Variants in ATAD3A observed in about 807,000 individuals in gnomAD.
The protein encoded by ATAD3A is ATPase family AAA domain-containing protein 3A.
Under a neutral mutation model 73.8 loss-of-function variants are expected in ATAD3A, and 46 were observed. The ratio of observed to expected loss-of-function variants is 0.62; its 90% CI spans 0.49 to 0.80. ATAD3A has a LOEUF of 0.80. Among genes scored for constraint, ATAD3A ranks in the 30% least tolerant of loss-of-function variants. ATAD3A has a pLI of 0.00. For synonymous variants in ATAD3A, 319 were observed against 350.0 expected, an observed-to-expected ratio of 0.91 and a Z score of 0.99; for missense variants, 705 against 838.0, an observed-to-expected ratio of 0.84 and a Z score of 1.96.
At chr1:1,518,621 ACCC>A (rs148694040) in intron 4 of ATAD3A, among the ~76,000 whole-genome samples, 1 of 38,098 alleles carries the variant, frequency 2.6e-5, no homozygotes, top group Non-Finnish European at 4.0e-5. Flanking sequence ...GGGCGTACAC[ACCC>A]CCCCCCACAG....
At chr1:1,527,633 G>A (rs566497801) in intron 13 of ATAD3A, 62 bp from the exon 14 acceptor site, 280 of 1,543,544 alleles carry the variant, frequency 1.8e-4, no homozygotes, top group Non-Finnish European at 2.3e-4. Flanking sequence ...AGGAGGCCCC[G>A]TTCCCCTTGG....
At chr1:1,513,811 CGA>C (rs1311310600) in intron 1 of ATAD3A, among the ~76,000 whole-genome samples, 1 of 152,106 alleles carries the variant, frequency 6.6e-6, no homozygotes, top group African/African-American at 2.4e-5. Context: ...AGCGGGTCGC[CGA>C]GATTCGGCCG....
chr1:1,516,942 C>T (rs575871089), intron 2 of ATAD3A: 4 of 697,098 alleles, frequency 5.7e-6, no homozygotes, highest in Non-Finnish European at 9.3e-6. Flanking sequence ...GAACTACTAA[C>T]CTCAGTTGAT....
rs1283311040 is a variant in ATAD3A, at chr1:1,518,833, T to C, written c.445-88T>C. 9.4e-6 allele frequency: 15 copies of C among 1,598,870 alleles called. No individual in the cohort carries two copies. The African/African-American group carries it at 1.9e-4, about 21-fold the overall frequency. ...CCGCAAACGGGCACACTCACCCCCC[T>C]GCACACTCGGGCACAGTCATCCCCC... On this transcript the variant is annotated intron_variant, in intron 4 of 15. Transcript: ENST00000378756.
In ATAD3A at chr1:1,529,248, T is replaced by A. The variant is rs1412720926; in HGVS notation, c.1531T>A (p.Tyr511Asn). ...KQRLKLAQFD[Y>N]GRKCSEVARL... is the part of the protein sequence containing the mutation. ...GCGCCTGAAGCTGGCCCAGTTTGAC[T>A]ACGGGAGGAAGTGCTCGGAGGTCGC... Residue 511 changes from tyrosine (Y) to asparagine (N), a missense_variant, in exon 15 of 16, where the codon TAC becomes AAC. Physicochemically the swap from Tyr to Asn is moderately radical, Grantham distance 143 (BLOSUM62 -2). Transcript: ENST00000378756. 3.1e-6 allele frequency: 5 copies of A among 1,609,158 alleles called. No homozygotes were observed. Among genetic ancestry groups the A allele is most frequent in the Non-Finnish European group, 4.2e-6 (5 of 1,178,632 alleles).
chr1:1,533,958 G>C lies in ATAD3A; in HGVS notation c.1647G>C (p.Leu549=), dbSNP rs370717770. Residue 549 remains leucine, a synonymous_variant, in exon 16 of 16, where the codon CTG becomes CTC. Coordinates refer to ENST00000378756, the MANE Select transcript of ATAD3A (RefSeq NM_001170535.3). ...ATAYASEDGV[L]TEAMMDTRVQ... ...CGTATGCCTCCGAGGACGGGGTCCT[G>C]ACCGAGGCCATGATGGACACCCGCG... The C allele has an allele frequency of 1.4e-5, 22 of 1,613,320 alleles. No individual in the cohort carries two copies. Among genetic ancestry groups the C allele is most frequent in the Non-Finnish European group, 1.8e-5 (21 of 1,179,938 alleles).
chr1:1,527,726 G>C lies in ATAD3A; in HGVS notation c.1369G>C (p.Glu457Gln), dbSNP rs1228946833. The change falls in exon 14 of 16, where the codon GAG becomes CAG. Residue 457 changes from glutamate (E) to glutamine (Q), a missense_variant. Around this residue, in one of 5 missense-constraint regions of ATAD3A, gnomAD observed 252 missense variants for 278.5 expected, o/e 0.90. Coordinates refer to ENST00000378756, the MANE Select transcript of ATAD3A (RefSeq NM_001170535.3). ...GCTGGTCCTGGCCAGCAACCAACCA[G>C]AGCAGTTCGACTGGGCCATCAATGA... ...FMLVLASNQPEQFDWAINDRI... is the reference protein window; with the variant it reads ...FMLVLASNQPQQFDWAINDRI... 1 of 1,613,746 alleles carries C rather than the reference G, an allele frequency of 6.2e-7. No homozygotes were observed. The highest frequency in any genetic ancestry group is 8.5e-7 in the Non-Finnish European group (1 of 1,179,860).
chr1:1,530,337 C>A (rs1446851601), intron 15 of ATAD3A, among the ~76,000 whole-genome samples: 2 of 152,160 alleles, frequency 1.3e-5, no homozygotes, highest in African/African-American at 4.8e-5. Flanking sequence ...GGTTTAGGAC[C>A]AGCCTGGAAA....
At chr1:1,516,292 G>T (rs1338009022) in intron 2 of ATAD3A, among the ~76,000 whole-genome samples, 1 of 152,152 alleles carries the variant, frequency 6.6e-6, no homozygotes, top group East Asian at 1.9e-4. Flanking sequence ...GAGAGGGAGG[G>T]CTGGTGTTGG....
In ATAD3A at chr1:1,515,136, G is replaced by A. The variant is rs532581508; in HGVS notation, c.206-876G>A. On this transcript the variant is annotated intron_variant, in intron 1 of 15. Coordinates refer to ENST00000378756, the MANE Select transcript of ATAD3A (RefSeq NM_001170535.3). ...TCTCTCTGTCTAGCTGGAGTGCAGC[G>A]GTGCGATCTGGGTTCACTGCAGCCT... 4.6e-5 allele frequency among the ~76,000 whole-genome samples: 7 copies of A among 152,268 alleles called. No homozygotes were observed. The South Asian group carries it at 6.2e-4, about 14-fold the overall frequency.
chr1:1,526,521 C>T lies in ATAD3A; in HGVS notation c.1327C>T (p.His443Tyr). ...LNAFLYRTGQ[H>Y]SNKFMLVLAS... ...CGCCTTCCTGTACCGCACGGGCCAG[C>T]ACAGCAACAAGTGAGGGAGCCCCTC... Residue 443 changes from histidine (H) to tyrosine (Y), a missense_variant, in exon 13 of 16, where the codon CAC (histidine) becomes TAC (tyrosine). Physicochemically the swap from His to Tyr is moderately conservative, Grantham distance 83. Transcript: ENST00000378756. 1 of 1,612,630 alleles carries T rather than the reference C, an allele frequency of 6.2e-7. No individual in the cohort carries two copies. Among genetic ancestry groups the T allele is most frequent in the Non-Finnish European group, 8.5e-7 (1 of 1,179,698 alleles).
At position 1,518,903 on chromosome 1, in the gene ATAD3A, T is replaced by C. The variant is rs1379351165; in HGVS notation, c.445-18T>C. 1 of 1,614,134 alleles carries C rather than the reference T, an allele frequency of 6.2e-7. No individual in the cohort carries two copies. The highest frequency in any genetic ancestry group is 8.5e-7 in the Non-Finnish European group (1 of 1,179,968). ...CAGGTTTTAAAGGCTTTTCTCTTTTTCTGCGGCTTCTTCTCAGCAACTTCT... is the reference window on the plus strand; with the variant it reads ...CAGGTTTTAAAGGCTTTTCTCTTTTCCTGCGGCTTCTTCTCAGCAACTTCT... On this transcript the variant is annotated intron_variant, in intron 4 of 15. Transcript: ENST00000378756.
chr1:1,527,075 A>G (rs1641873385), intron 13 of ATAD3A: 2 of 977,746 alleles, frequency 2.0e-6, no homozygotes, highest in East Asian at 6.2e-5. Flanking sequence ...GAGGTCCCCC[A>G]TAGGGTGACC....
chr1:1,527,953 C>A, intron 14 of ATAD3A, 91 bp downstream of exon 14: 270 of 1,142,572 alleles, frequency 2.4e-4, no homozygotes, highest in Non-Finnish European at 3.0e-4. Flanking sequence ...AAACCTTTAA[C>A]ATTCCTTTTT....
rs549301203 is a variant in ATAD3A at position 1,527,152 on chromosome 1, C to T, written c.1338-543C>T. On this transcript the variant is annotated intron_variant, in intron 13 of 15. Transcript: ENST00000378756. ...TTTTGAGTTTTCTTGGTCTCCTGGG[C>T]CCCTCCAGCCCCAGTCACGTGTCAC... The T allele has an allele frequency of 6.2e-4, 803 of 1,300,236 alleles. 4 individuals are homozygous for T. In the East Asian group the frequency reaches 0.01, roughly 17 times the overall value. The allele number at this position is 1,300,236 out of a possible 1,614,324, so 80.5% of individuals were successfully genotyped here. A position where few individuals can be genotyped will look rare whatever the true frequency, so the allele number is the denominator to read the frequency against.
rs9439464 is a variant in ATAD3A, at chr1:1,534,218, C to T, written c.*146C>T. 1.3e-5 allele frequency: 20 copies of T among 1,499,166 alleles called. No individual in the cohort carries two copies. The highest frequency in any genetic ancestry group is 2.1e-5 in the Admixed American group (1 of 48,002). 92.9% of individuals were successfully genotyped at this position (1,499,166 alleles called of 1,614,324 possible). A position where few individuals can be genotyped will look rare whatever the true frequency, so the allele number is the denominator to read the frequency against. ...CTGTCCCCCAGGATGTCTTGTGGTGCGGGTCGGCCGTTCTGCCCCCCAGGG... is the reference window on the plus strand; with the variant it reads ...CTGTCCCCCAGGATGTCTTGTGGTGTGGGTCGGCCGTTCTGCCCCCCAGGG... On this transcript the variant is annotated 3_prime_UTR_variant, in exon 16 of 16. Transcript: ENST00000378756.
In ATAD3A at chr1:1,523,629, T is replaced by C; in HGVS notation, c.963+62T>C. 6.2e-7 allele frequency: 1 copy of C among 1,608,506 alleles called. No individual in the cohort carries two copies. The highest frequency in any genetic ancestry group is 1.7e-5 in the Admixed American group (1 of 59,536). Reference sequence around the variant, plus strand: ...AGGGGACCCTGGAGCTGGGCCGGGCTGTGGCCCTTGCTGGCGCTCGTGGTG... The same window carrying C: ...AGGGGACCCTGGAGCTGGGCCGGGCCGTGGCCCTTGCTGGCGCTCGTGGTG... On this transcript the variant is annotated intron_variant, in intron 9 of 15. Coordinates refer to ENST00000378756, the MANE Select transcript of ATAD3A (RefSeq NM_001170535.3). This position sits in a 1 kb window ranked among gnomAD's most constrained non-coding sequence, Gnocchi z 5.1.
chr1:1,527,425 G>GA (rs555965426), intron 13 of ATAD3A, among the ~76,000 whole-genome samples: 1 of 152,346 alleles, frequency 6.6e-6, no homozygotes, highest in South Asian at 2.1e-4. Flanking sequence ...CAGGGGTCAG[G>GA]CAGCAGGAGA....
At chr1:1,527,373 T>G in intron 13 of ATAD3A, 1 of 1,076,056 alleles carries the variant, frequency 9.3e-7, no homozygotes. Context: ...GGGCGACTTC[T>G]CGACATGGAC....
Sources: allele counts gnomAD v4.1 joint callset (sites outside exome capture counted in the v4.1 genomes callset), GRCh38; gene constraint gnomAD v4.1.1; regional missense constraint gnomAD v4.1.1; non-coding constraint Gnocchi (gnomAD v3.1); transcripts MANE v1.5; gene names NCBI Gene and HGNC (gene_info 2026-07-23, HGNC 2026-07-21).